Variants in PCDHGA8 observed in about 807,000 individuals in gnomAD.
The protein encoded by PCDHGA8 is protocadherin gamma-A8.
In PCDHGA8, 45 loss-of-function variants were observed where a neutral mutation model predicts 59.2. The ratio of observed to expected loss-of-function variants is 0.76; its 90% CI spans 0.60 to 0.98. The LOEUF is 0.98. Among genes scored for constraint, PCDHGA8 ranks in the 50% least tolerant of loss-of-function variants. PCDHGA8 has a pLI of 0.00. For missense variants in PCDHGA8, 1,257 were observed against 1,196.2 expected, an observed-to-expected ratio of 1.05 and a Z score of -0.75; for synonymous variants, 531 against 519.0, an observed-to-expected ratio of 1.02 and a Z score of -0.32.
intron 1 of PCDHGA8, among the ~76,000 whole-genome samples, chr5:141,445,264 G>A (rs566395616): frequency 1.4e-4 from 22 of 152,276 alleles, no homozygotes; most frequent in Admixed American, 1.4e-3. Flanking sequence ...AATATAAGTC[G>A]AAACCACTCT....
chr5:141,431,364 G>A lies in PCDHGA8; in HGVS notation c.2424+36127G>A. 1 of 1,614,010 alleles carries A rather than the reference G, an allele frequency of 6.2e-7. No homozygotes were observed. The highest frequency in any genetic ancestry group is 8.5e-7 in the Non-Finnish European group (1 of 1,180,022). On this transcript the variant is annotated intron_variant, in intron 1 of 3. Coordinates refer to ENST00000398604, the MANE Select transcript of PCDHGA8 (RefSeq NM_032088.2). This position sits in a 1 kb window ranked among gnomAD's most constrained non-coding sequence, Gnocchi z 4.8. ...TTGGTGCTGAAACGCGCCCTGGACCGCGAAGAAAAGGCTGCTCACCACCTG... is the reference window on the plus strand; with the variant it reads ...TTGGTGCTGAAACGCGCCCTGGACCACGAAGAAAAGGCTGCTCACCACCTG...
chr5:141,458,366 GGAGAA>G (rs1437271099), intron 1 of PCDHGA8, among the ~76,000 whole-genome samples: 1 of 152,090 alleles, frequency 6.6e-6, no homozygotes, highest in African/African-American at 2.4e-5. Flanking sequence ...AAGAAGGAAG[GGAGAA>G]GAGAGAAGGA....
intron 1 of PCDHGA8, among the ~76,000 whole-genome samples, chr5:141,457,900 A>C (rs2098931922): frequency 6.7e-6 from 1 of 149,818 alleles, no homozygotes; most frequent in Admixed American, 6.6e-5. Context: ...CTGTGTAGAC[A>C]AGGTGTGAGG....
At chr5:141,399,870 C>CT (rs770811342) in intron 1 of PCDHGA8, 103 of 1,612,856 alleles carry the variant, frequency 6.4e-5, no homozygotes, top group Middle Eastern at 5.4e-4. Context: ...CAGAGCCCGG[C>CT]TACCTGGTGA....
chr5:141,489,093 A>T lies in PCDHGA8; in HGVS notation c.2425-5714A>T. ...GCCCACCCCCGCCACTCGGTGACTA[A>T]GAACTGCTGCAAGCAGGCAAACCTC... is the stretch of plus-strand genomic sequence containing the variant. On this transcript the variant is annotated intron_variant, in intron 1 of 3. Coordinates refer to ENST00000398604, the MANE Select transcript of PCDHGA8 (RefSeq NM_032088.2). This position sits in a 1 kb window ranked among gnomAD's most constrained non-coding sequence, Gnocchi z 4.5. 2.1e-6 allele frequency: 1 copy of T among 477,272 alleles called. No individual in the cohort carries two copies. Among genetic ancestry groups the T allele is most frequent in the Non-Finnish European group, 3.6e-6 (1 of 276,700 alleles). The allele number at this position is 477,272 out of a possible 1,614,324, so 29.6% of individuals were successfully genotyped here.
chr5:141,471,747 T>A (rs2099263878), intron 1 of PCDHGA8, among the ~76,000 whole-genome samples: 1 of 152,200 alleles, frequency 6.6e-6, no homozygotes, highest in African/African-American at 2.4e-5. Context: ...ACATAACATA[T>A]TTGAGGGTGT....
chr5:141,501,025 C>T (rs999221755), intron 2 of PCDHGA8, among the ~76,000 whole-genome samples: 94 of 152,100 alleles, frequency 6.2e-4, no homozygotes, highest in East Asian at 1.9e-3. Flanking sequence ...CGCGCCACCA[C>T]GCCCAGCTAA....
chr5:141,506,380 TG>T (rs2099852860), intron 3 of PCDHGA8, among the ~76,000 whole-genome samples: 1 of 141,314 alleles, frequency 7.1e-6, no homozygotes, highest in Non-Finnish European at 1.5e-5. Flanking sequence ...ACCTGGGAGG[TG>T]GCTGTGGTGA....
chr5:141,422,919 G>C (rs1445179310), intron 1 of PCDHGA8: 9 of 1,614,120 alleles, frequency 5.6e-6, no homozygotes, highest in Non-Finnish European at 6.8e-6. Context: ...CCGAGATCCT[G>C]TACCCTGCCC....
Position 141,476,021 on chromosome 5 carries a change from C to T in PCDHGA8, c.2425-18786C>T. The T allele has an allele frequency of 7.1e-7, 1 of 1,400,498 alleles. No individual in the cohort carries two copies. The highest frequency in any genetic ancestry group is 1.4e-5 in the South Asian group (1 of 71,458). 86.8% of individuals were successfully genotyped at this position (1,400,498 alleles called of 1,614,324 possible). A position where few individuals can be genotyped will look rare whatever the true frequency, so the allele number is the denominator to read the frequency against. ...GGCATCCAGAAAGCCATGTCGGACT[C>T]GGCGCCCAGCGCCCAAGCGCTAACC... On this transcript the variant is annotated intron_variant, in intron 1 of 3. Coordinates refer to ENST00000398604, the MANE Select transcript of PCDHGA8 (RefSeq NM_032088.2). This position sits in a 1 kb window ranked among gnomAD's most constrained non-coding sequence, Gnocchi z 7.6.
intron 1 of PCDHGA8, chr5:141,403,146 G>A (rs1400601984): frequency 1.9e-6 from 3 of 1,613,938 alleles, no homozygotes; most frequent in African/African-American, 2.7e-5. Flanking sequence ...CGCCGAGTCC[G>A]CATCGTCTCT....
rs532490777 is a variant in PCDHGA8, at chr5:141,487,782, T to C, written c.2425-7025T>C. 7.2e-6 allele frequency: 11 copies of C among 1,525,744 alleles called. No homozygotes were observed. The South Asian group carries it at 1.2e-4, about 17-fold the overall frequency. The allele number at this position is 1,525,744 out of a possible 1,614,324, so 94.5% of individuals were successfully genotyped here. ...GACGCTGTGCTTTGTAACTGTTTCGTGAATTAACCAGAGTTGTCACAGTTT... is the reference window on the plus strand; with the variant it reads ...GACGCTGTGCTTTGTAACTGTTTCGCGAATTAACCAGAGTTGTCACAGTTT... On this transcript the variant is annotated intron_variant, in intron 1 of 3. Coordinates refer to ENST00000398604, the MANE Select transcript of PCDHGA8 (RefSeq NM_032088.2). This position sits in a 1 kb window ranked among gnomAD's most constrained non-coding sequence, Gnocchi z 5.0.
In PCDHGA8 at chr5:141,431,501, C is replaced by G; in HGVS notation, c.2424+36264C>G. On this transcript the variant is annotated intron_variant, in intron 1 of 3. Coordinates refer to ENST00000398604, the MANE Select transcript of PCDHGA8 (RefSeq NM_032088.2). This position sits in a 1 kb window ranked among gnomAD's most constrained non-coding sequence, Gnocchi z 4.8. ...ACCAGCGTTTGCTCAGCCCGAGTAC[C>G]GCGCGAGCGTTCCGGAGAATCTGGC... is the stretch of plus-strand genomic sequence containing the variant. 1 of 1,614,010 alleles carries G rather than the reference C, an allele frequency of 6.2e-7. No homozygotes were observed. The highest frequency in any genetic ancestry group is 8.5e-7 in the Non-Finnish European group (1 of 1,180,034).
At chr5:141,452,193 G>A (rs764434048) in intron 1 of PCDHGA8, among the ~76,000 whole-genome samples, 3 of 151,990 alleles carry the variant, frequency 2.0e-5, no homozygotes, top group Admixed American at 6.6e-5. Context: ...ACCTCAAATT[G>A]TTTTAGATGT....
chr5:141,405,056 T>A (rs770920034), intron 1 of PCDHGA8: 8 of 1,613,836 alleles, frequency 5.0e-6, no homozygotes, highest in Non-Finnish European at 6.8e-6. Context: ...AGTCGTCTCC[T>A]GTGTCTTCCT....
At position 141,432,117 on chromosome 5, in the gene PCDHGA8, C is replaced by G. The variant is rs761106133; in HGVS notation, c.2424+36880C>G. The G allele has an allele frequency of 6.2e-7, 1 of 1,614,062 alleles. No homozygotes were observed. The highest frequency in any genetic ancestry group is 8.5e-7 in the Non-Finnish European group (1 of 1,180,048). ...ACCAACGACAACCCGCCGGTCTTCC[C>G]TCAGGCCTCCTATTCCGCTTATATC... is the stretch of plus-strand genomic sequence containing the variant. On this transcript the variant is annotated intron_variant, in intron 1 of 3. Transcript: ENST00000398604. The surrounding 1 kb of genome is among the most constrained non-coding windows in gnomAD (Gnocchi z 6.0).
chr5:141,421,860 C>T (rs759779291), intron 1 of PCDHGA8: 1 of 1,613,750 alleles, frequency 6.2e-7, no homozygotes. Flanking sequence ...CTCACCTGCT[C>T]CTCCTCACAG....
chr5:141,397,953 C>A, intron 1 of PCDHGA8: 2 of 962,110 alleles, frequency 2.1e-6, no homozygotes. Flanking sequence ...CAGGGCAGCC[C>A]CAGCTCAGAC....
At chr5:141,404,568 G>A (rs2094540345) in intron 1 of PCDHGA8, 1 of 1,613,868 alleles carries the variant, frequency 6.2e-7, no homozygotes, top group Non-Finnish European at 8.5e-7. Flanking sequence ...GACAGTGGAA[G>A]CCCACCACTT....
Sources: gnomAD v4.1 joint callset for allele counts (sites outside exome capture counted in the v4.1 genomes callset) on GRCh38, gnomAD v4.1.1 for gene constraint, Gnocchi (gnomAD v3.1) non-coding constraint, MANE v1.5 for transcripts, NCBI Gene and HGNC (gene_info 2026-07-23, HGNC 2026-07-21) for gene names.